Variants in TKT observed in about 807,000 individuals in gnomAD.
The protein encoded by TKT is epididymis luminal protein 107.
A neutral mutation model predicts 63.9 loss-of-function variants in TKT; 47 were observed. The observed-to-expected ratio is 0.74, with a 90% confidence interval of 0.58 to 0.94. The LOEUF is 0.94. Ranked by LOEUF, TKT falls within the 40% of genes least tolerant of loss-of-function variation. TKT has a pLI of 0.00. For synonymous variants in TKT, 338 were observed against 334.1 expected, an observed-to-expected ratio of 1.01 and a Z score of -0.13; for missense variants, 721 against 846.2, an observed-to-expected ratio of 0.85 and a Z score of 1.84.
In TKT at chr3:53,231,430, T is replaced by C; in HGVS notation, c.869A>G (p.Gln290Arg). 1 of 1,614,176 alleles carries C rather than the reference T, an allele frequency of 6.2e-7. No homozygotes were observed. The highest frequency in any genetic ancestry group is 8.5e-7 in the Non-Finnish European group (1 of 1,180,020). ...AATGTCCACTGAGGGTGCGTCCTCC[T>C]GTGGAGGGGTTGCCAGGATCTTCTT... ...SKKKILATPP[Q>R]EDAPSVDIAN... is the part of the protein sequence containing the mutation. Residue 290 changes from glutamine to arginine, a missense_variant, in exon 7 of 14, where the codon CAG becomes CGG. Transcript: ENST00000462138.
Position 53,255,862 on chromosome 3 carries a change from G to A in TKT, c.81C>T (p.Ile27=), listed in dbSNP as rs1575578668. 6.5e-7 allele frequency: 1 copy of A among 1,546,028 alleles called. No homozygotes were observed. Among genetic ancestry groups the A allele is most frequent in the Non-Finnish European group, 8.7e-7 (1 of 1,147,028 alleles). Residue 27 remains isoleucine (I), a synonymous_variant, in exon 1 of 14, where the codon ATC becomes ATT. Transcript: ENST00000462138. The part of the protein sequence containing the change: ...DTANRLRISS[I]QATTAAGSGH... Reference sequence around the variant, plus strand: ...CAGAGCCCGCCGCAGTGGTGGCCTGGATGGAGCTGATACGTAGGCGGTTGG... The same window carrying A: ...CAGAGCCCGCCGCAGTGGTGGCCTGAATGGAGCTGATACGTAGGCGGTTGG...
intron 13 of TKT, chr3:53,226,546 CCA>C (rs1704504446): frequency 1.6e-6 from 1 of 616,378 alleles, no homozygotes; most frequent in East Asian, 3.1e-5. Context: ...AGCAGGAGCT[CCA>C]CAGAGCTCAT....
At chr3:53,230,201 GCTC>G (rs1293102072) in intron 8 of TKT, among the ~76,000 whole-genome samples, 1 of 152,220 alleles carries the variant, frequency 6.6e-6, no homozygotes, top group Non-Finnish European at 1.5e-5. Context: ...CCTGTACGCA[GCTC>G]CTCCTGAGAG....
chr3:53,255,742 T>C lies in TKT; in HGVS notation c.107+94A>G, dbSNP rs1705962666. Reference sequence around the variant, plus strand: ...GGGCCACCTTCCTCGTCTAGGCATCTCGCAGCGCGACCCAGAGCCCGCGGC... The same window carrying C: ...GGGCCACCTTCCTCGTCTAGGCATCCCGCAGCGCGACCCAGAGCCCGCGGC... On this transcript the variant is annotated intron_variant, in intron 1 of 13. Transcript: ENST00000462138. The C allele has an allele frequency of 4.7e-6, 4 of 852,076 alleles. No individual in the cohort carries two copies. The East Asian group carries it at 1.5e-4, about 32-fold the overall frequency. 52.8% of individuals were successfully genotyped at this position (852,076 alleles called of 1,614,324 possible).
At chr3:53,241,101 A>G in intron 3 of TKT, 31 bp downstream of exon 3, 1 of 1,509,604 alleles carries the variant, frequency 6.6e-7, no homozygotes, top group Non-Finnish European at 8.8e-7. Context: ...GTGGAGGCAG[A>G]GGCATGGGAG....
chr3:53,253,088 C>T (rs562636932), intron 1 of TKT, among the ~76,000 whole-genome samples: 88 of 152,166 alleles, frequency 5.8e-4, no homozygotes, highest in Non-Finnish European at 1.0e-3. Context: ...GTGATCCACT[C>T]GCCTACACCT....
chr3:53,237,090 A>G (rs1165520285), intron 4 of TKT, among the ~76,000 whole-genome samples: 3 of 152,202 alleles, frequency 2.0e-5, no homozygotes, highest in Non-Finnish European at 2.9e-5. Flanking sequence ...TGATCATTAA[A>G]ACCAGCTCTC....
At chr3:53,228,892 G>A (rs1553676211) in intron 10 of TKT, 115 bp downstream of exon 10, 3 of 1,441,024 alleles carry the variant, frequency 2.1e-6, no homozygotes, top group Admixed American at 4.3e-5. Flanking sequence ...CGAACACCAG[G>A]GGCAAGGTCA....
chr3:53,233,570 C>T, intron 5 of TKT: 1 of 275,854 alleles, frequency 3.6e-6, no homozygotes, highest in African/African-American at 2.2e-5. Flanking sequence ...TCCTGATCTG[C>T]TCATTTCCTA....
chr3:53,251,906 G>A (rs547018103), intron 1 of TKT, among the ~76,000 whole-genome samples: 207 of 152,314 alleles, frequency 1.4e-3, no homozygotes, highest in Middle Eastern at 3.4e-3. Flanking sequence ...TTGGGAGGCC[G>A]AGGCGGGCGG....
At chr3:53,231,661 TGGCATCATCCCAGACA>T in intron 6 of TKT, 111 bp from the exon 7 acceptor site, 1 of 1,182,898 alleles carries the variant, frequency 8.5e-7, no homozygotes, top group Non-Finnish European at 1.2e-6. Context: ...AAGGGAGGAA[TGGCATCATCCCAGACA>T]GGCAGAGCCC....
intron 4 of TKT, among the ~76,000 whole-genome samples, chr3:53,237,166 C>G (rs1553678821): frequency 6.6e-6 from 1 of 151,698 alleles, no homozygotes; most frequent in African/African-American, 2.4e-5. Flanking sequence ...GGGAGATGAC[C>G]TGAGGTCAGG....
intron 1 of TKT, among the ~76,000 whole-genome samples, chr3:53,247,075 T>G (rs533928804): frequency 1.4e-5 from 2 of 147,910 alleles, no homozygotes; most frequent in South Asian, 4.2e-4. Context: ...TTTTTTTTTT[T>G]AAATATTCAG....
chr3:53,249,947 T>C (rs528831172), intron 1 of TKT, among the ~76,000 whole-genome samples: 1 of 152,198 alleles, frequency 6.6e-6, no homozygotes, highest in African/African-American at 2.4e-5. Context: ...CAAGAGACAA[T>C]GAATGTTGAG....
In TKT at chr3:53,225,874, G is replaced by T; in HGVS notation, c.1754C>A (p.Thr585Asn). Residue 585 changes from threonine to asparagine, a missense_variant, in exon 14 of 14, where the codon ACC becomes AAC. Coordinates refer to ENST00000462138, the MANE Select transcript of TKT (RefSeq NM_001064.4). ...AVVGEPGITVTHLAVNRVPRS... is the reference protein window; with the variant it reads ...AVVGEPGITVNHLAVNRVPRS... ...TGGTACCCGGTTAACTGCCAGGTGG[G>T]TGACAGTGATGCCAGGCTCGCCCAC... The T allele has an allele frequency of 6.2e-7, 1 of 1,614,076 alleles. No individual in the cohort carries two copies. The highest frequency in any genetic ancestry group is 1.1e-5 in the South Asian group (1 of 91,076).
chr3:53,229,140 G>T lies in TKT; in HGVS notation c.1265-3C>A. On this transcript the variant is annotated splice_region_variant and splice_polypyrimidine_tract_variant and intron_variant, in intron 9 of 13. Transcript: ENST00000462138. ...CATCTGGGAGGGCCCGTCTTCCCCT[G>T]GGGTGTGGGGGAAAGGATATGCAGA... is the stretch of plus-strand genomic sequence containing the variant. The T allele has an allele frequency of 6.2e-7, 1 of 1,614,130 alleles. No individual in the cohort carries two copies. Among genetic ancestry groups the T allele is most frequent in the Non-Finnish European group, 8.5e-7 (1 of 1,180,016 alleles).
intron 4 of TKT, among the ~76,000 whole-genome samples, chr3:53,235,828 C>T (rs1388696680): frequency 2.1e-5 from 3 of 141,640 alleles, no homozygotes; most frequent in African/African-American, 5.1e-5. Flanking sequence ...CTTTCTCTAC[C>T]ACAGGGGCCC....
In TKT at chr3:53,235,035, C is replaced by T; in HGVS notation, c.577G>A (p.Ala193Thr). ...ATGTCCATCTGGTGCTGCAGTGGGG[C>T]CGGGTCACTCTGGCCCAGGCGATTG... ...DINRLGQSDPAPLQHQMDIYQ... is the reference protein window; with the variant it reads ...DINRLGQSDPTPLQHQMDIYQ... Residue 193 changes from alanine (A) to threonine (T), a missense_variant, in exon 5 of 14, where the codon GCC becomes ACC. Transcript: ENST00000462138. The T allele has an allele frequency of 6.2e-7, 1 of 1,613,932 alleles. No individual in the cohort carries two copies. Among genetic ancestry groups the T allele is most frequent in the South Asian group, 1.1e-5 (1 of 91,070 alleles).
intron 10 of TKT, 35 bp downstream of exon 10, chr3:53,228,972 C>G: frequency 2.5e-6 from 4 of 1,611,510 alleles, no homozygotes; most frequent in Non-Finnish European, 3.4e-6. Context: ...GAAGTGATGG[C>G]TGCCAGCAGG....
Sources: allele counts gnomAD v4.1 joint callset (sites outside exome capture counted in the v4.1 genomes callset), GRCh38; gene constraint gnomAD v4.1.1; transcripts MANE v1.5; gene names NCBI Gene and HGNC (gene_info 2026-07-23, HGNC 2026-07-21).